The following LIPE variants were observed in gnomAD, a reference collection of about 807,000 sequenced individuals.
LIPE encodes lipase E, hormone sensitive type.
LIPE carries 66 observed loss-of-function variants against 88.5 expected under a neutral mutation model. The ratio of observed to expected loss-of-function variants is 0.75; its 90% CI spans 0.61 to 0.91. The LOEUF (loss-of-function observed/expected upper bound fraction) is 0.91, where lower values mean the gene tolerates loss of function less well. Among genes scored for constraint, LIPE ranks in the 40% least tolerant of loss-of-function variants. LIPE has a pLI of 0.00. For synonymous variants in LIPE, 570 were observed against 617.5 expected (o/e 0.92, Z 1.14); for missense variants, 1,346 against 1,434.7 (o/e 0.94, Z 1.00).
At chr19:42,419,873 G>T (rs562522782) in intron 1 of LIPE, among the ~76,000 whole-genome samples, 2 of 152,104 alleles carry the variant, frequency 1.3e-5, no homozygotes, top group African/African-American at 4.8e-5. Context: ...TGCGTGCCTG[G>T]TCTCTTTCTC....
rs969187656 is a variant in LIPE, at chr19:42,420,503, G to C, written c.883+5764C>G. Reference sequence around the variant, plus strand: ...GGATATACATGCTTGTGCGTGTCTTGGTCTCTGTGTGTGTGTTGAGAACAA... The same window carrying C: ...GGATATACATGCTTGTGCGTGTCTTCGTCTCTGTGTGTGTGTTGAGAACAA... On this transcript the variant is annotated intron_variant, in intron 1 of 9. Coordinates refer to ENST00000244289, the MANE Select transcript of LIPE (RefSeq NM_005357.4). 9.9e-5 allele frequency among the ~76,000 whole-genome samples: 15 copies of C among 151,922 alleles called. No individual in the cohort carries two copies. In the South Asian group the frequency reaches 1.2e-3, roughly 13 times the overall value.
chr19:42,426,547 C>T lies in LIPE; in HGVS notation c.603G>A (p.Leu201=), dbSNP rs781038994. ...VQGAKSKQGS[L]TELGFLTKLQ... ...GTTTTGTTAGAAATCCCAGCTCTGT[C>T]AAAGATCCCTGCTTGGATTTGGCTC... Residue 201 remains leucine (L), a synonymous_variant, in exon 1 of 10, where the codon TTG becomes TTA. Transcript: ENST00000244289. 1.4e-5 allele frequency: 23 copies of T among 1,614,088 alleles called. No individual in the cohort carries two copies. Among genetic ancestry groups the T allele is most frequent in the Non-Finnish European group, 1.9e-5 (22 of 1,180,050 alleles).
chr19:42,402,705 T>C lies in LIPE; in HGVS notation c.2869A>G (p.Met957Val). The change falls in exon 9 of 10, where the codon ATG (methionine) becomes GTG (valine). Residue 957 changes from methionine (M) to valine (V), a missense_variant. By Grantham distance (21) the Met-to-Val change is conservative. Coordinates refer to ENST00000244289, the MANE Select transcript of LIPE (RefSeq NM_005357.4). ...ACTATGGGTGAGGAGTAGAGGGGCA[T>C]CTGTGTGGCACCCTGGCTGGAGCGT... is the stretch of plus-strand genomic sequence containing the variant. ...PRRSSQGATQ[M>V]PLYSSPIVKN... 6 of 1,534,574 alleles carry C rather than the reference T, an allele frequency of 3.9e-6. No individual in the cohort carries two copies. The highest frequency in any genetic ancestry group is 5.3e-6 in the Non-Finnish European group (6 of 1,137,302).
At chr19:42,422,945 G>C in intron 1 of LIPE, 1 of 165,384 alleles carries the variant, frequency 6.0e-6, no homozygotes, top group East Asian at 1.9e-4. Context: ...TGGCCCCGCT[G>C]CACTCTCCAC....
At chr19:42,423,575 C>T (rs2040645792) in intron 1 of LIPE, 13 of 1,220,472 alleles carry the variant, frequency 1.1e-5, no homozygotes, top group Non-Finnish European at 1.4e-5. Flanking sequence ...CAATTCCAGC[C>T]GCGAGGCCCT....
At chr19:42,402,480 A>G in intron 9 of LIPE, 127 bp downstream of exon 9, 2 of 800,998 alleles carry the variant, frequency 2.5e-6, no homozygotes, top group Non-Finnish European at 3.6e-6. Context: ...TCCCCTGGGG[A>G]CACGCCTGTC....
At chr19:42,404,099 C>A (rs1354385893) in intron 8 of LIPE, among the ~76,000 whole-genome samples, 1 of 146,854 alleles carries the variant, frequency 6.8e-6, no homozygotes, top group Non-Finnish European at 1.5e-5. Context: ...GAGTCTTGCT[C>A]TGTTGCCCAG....
chr19:42,405,489 G>T lies in LIPE; in HGVS notation c.2438C>A (p.Thr813Lys), dbSNP rs1600108669. The T allele has an allele frequency of 6.2e-6, 10 of 1,614,146 alleles. No homozygotes were observed. The East Asian group carries it at 2.0e-4, about 32-fold the overall frequency. The change falls in exon 8 of 10, where the codon ACA becomes AAA. Residue 813 changes from threonine to lysine, a missense_variant. Physicochemically the swap from Thr to Lys is moderately conservative, Grantham distance 78. Transcript: ENST00000244289. ...LGMMGLVRRDTALLLRDFRLG... is the reference protein window; with the variant it reads ...LGMMGLVRRDKALLLRDFRLG... The stretch of plus-strand genomic sequence containing the variant: ...GCGGAAGTCTCGGAGGAGCAGGGCT[G>T]TGTCCCGCCGCACCAGCCCCATCAT...
intron 1 of LIPE, chr19:42,411,215 G>A (rs2040367211): frequency 1.3e-6 from 1 of 761,668 alleles, no homozygotes; most frequent in Non-Finnish European, 1.6e-6. Flanking sequence ...CTGGCCTCCT[G>A]AATCCGGACA....
chr19:42,407,739 A>G lies in LIPE; in HGVS notation c.1709T>C (p.Leu570Pro). 6.4e-7 allele frequency: 1 copy of G among 1,563,686 alleles called. No homozygotes were observed. Among genetic ancestry groups the G allele is most frequent in the Non-Finnish European group, 8.7e-7 (1 of 1,155,510 alleles). ...ATVRVSRLLS[L>P]PPEAFEMPLT... ...TGGCATCTCAAAGGCTTCGGGTGGCAGGCTGAGCAGGCGGCTTACCCTCAC... is the reference window on the plus strand; with the variant it reads ...TGGCATCTCAAAGGCTTCGGGTGGCGGGCTGAGCAGGCGGCTTACCCTCAC... The change falls in exon 5 of 10, where the codon CTG becomes CCG. Residue 570 changes from leucine (L) to proline (P), a missense_variant. Leu to Pro is a moderately conservative substitution (Grantham distance 98). Coordinates refer to ENST00000244289, the MANE Select transcript of LIPE (RefSeq NM_005357.4). The surrounding 1 kb of genome is among the most constrained non-coding windows in gnomAD (Gnocchi z 5.8).
At position 42,415,461 on chromosome 19, in the gene LIPE, A is replaced by T. The variant is rs369546084; in HGVS notation, c.884-4619T>A. On this transcript the variant is annotated intron_variant, in intron 1 of 9. Transcript: ENST00000244289. ...AGCTAAGTTGTGAATGCAAAGGAAAAATTCATGAAAGTAATTAAAAGTGCT... is the reference window on the plus strand; with the variant it reads ...AGCTAAGTTGTGAATGCAAAGGAAATATTCATGAAAGTAATTAAAAGTGCT... 4.7e-4 allele frequency among the ~76,000 whole-genome samples: 72 copies of T among 152,240 alleles called. 3 individuals are homozygous for T. The South Asian group carries it at 0.015, about 32-fold the overall frequency.
Position 42,407,485 on chromosome 19 carries a change from A to G in LIPE, c.1843-17T>C. On this transcript the variant is annotated splice_polypyrimidine_tract_variant and intron_variant, in intron 5 of 9. Coordinates refer to ENST00000244289, the MANE Select transcript of LIPE (RefSeq NM_005357.4). The surrounding 1 kb of genome is among the most constrained non-coding windows in gnomAD (Gnocchi z 5.8). Reference sequence around the variant, plus strand: ...CTCACTGTCCTGGGGGTGAGGAGGGAGACGGTGTGTGAGGTTGGGGAGAGC... The same window carrying G: ...CTCACTGTCCTGGGGGTGAGGAGGGGGACGGTGTGTGAGGTTGGGGAGAGC... 1 of 1,602,122 alleles carries G rather than the reference A, an allele frequency of 6.2e-7. No homozygotes were observed. The highest frequency in any genetic ancestry group is 1.1e-5 in the South Asian group (1 of 90,048).
Position 42,410,729 on chromosome 19 carries a change from G to T in LIPE, c.997C>A (p.Arg333=), listed in dbSNP as rs750246327. 6.2e-7 allele frequency: 1 copy of T among 1,613,838 alleles called. No individual in the cohort carries two copies. Among genetic ancestry groups the T allele is most frequent in the South Asian group, 1.1e-5 (1 of 91,060 alleles). Residue 333 remains arginine, a synonymous_variant, in exon 2 of 10, where the codon CGG becomes AGG. Coordinates refer to ENST00000244289, the MANE Select transcript of LIPE (RefSeq NM_005357.4). This position sits in a 1 kb window ranked among gnomAD's most constrained non-coding sequence, Gnocchi z 6.1. ...ACACCGGCAAAAACGCCTGACAGCC[G>T]CTGGGCCGTTTCCCCAGGACCCTGG... ...SSQGPGETAQ[R]LSGVFAGVRE... is the part of the protein sequence containing the mutation.
In LIPE at chr19:42,402,593, C is replaced by T; in HGVS notation, c.2967+14G>A. 1 of 1,476,214 alleles carries T rather than the reference C, an allele frequency of 6.8e-7. No individual in the cohort carries two copies. Among genetic ancestry groups the T allele is most frequent in the Non-Finnish European group, 9.0e-7 (1 of 1,110,720 alleles). 91.4% of individuals were successfully genotyped at this position (1,476,214 alleles called of 1,614,324 possible). On this transcript the variant is annotated intron_variant, in intron 9 of 9. Transcript: ENST00000244289. ...TCTCTAAATGCACCTGTACCGGCCC[C>T]CTCTGTCGCTCACCACGATGTGCAC...
At position 42,401,820 on chromosome 19, in the gene LIPE, G is replaced by GC; in HGVS notation, c.3222dup (p.Arg1075AlafsTer16). The GC allele has an allele frequency of 6.1e-6, 9 of 1,479,318 alleles. No individual in the cohort carries two copies. Among genetic ancestry groups the GC allele is most frequent in the Non-Finnish European group, 8.1e-6 (9 of 1,117,844 alleles). 91.6% of individuals were successfully genotyped at this position (1,479,318 alleles called of 1,614,324 possible). A position where few individuals can be genotyped will look rare whatever the true frequency, so the allele number is the denominator to read the frequency against. ...ATGGGAACAACAGGCTTTTAGTGTC[G>GC]CCCCCCGCAGCCCCCGTCTACCCCC... On this transcript the variant is annotated frameshift_variant, in exon 10 of 10. Transcript: ENST00000244289. LOFTEE classifies it high-confidence loss of function.
chr19:42,425,899 T>C, intron 1 of LIPE, among the ~76,000 whole-genome samples: 1 of 151,942 alleles, frequency 6.6e-6, no homozygotes, highest in East Asian at 1.9e-4. Flanking sequence ...GCCTCCCGGG[T>C]TCAAGTGTTT....
Position 42,401,686 on chromosome 19 carries a change from A to T in LIPE, c.*126T>A. The T allele has an allele frequency of 2.1e-6, 1 of 480,608 alleles. No individual in the cohort carries two copies. The highest frequency in any genetic ancestry group is 3.3e-6 in the Non-Finnish European group (1 of 305,754). 29.8% of individuals were successfully genotyped at this position (480,608 alleles called of 1,614,324 possible). A position where few individuals can be genotyped will look rare whatever the true frequency, so the allele number is the denominator to read the frequency against. The stretch of plus-strand genomic sequence containing the variant: ...TCCCCCTCCCCGTGGCGAGGGTCTC[A>T]GCTTTCGGGCCCCCGCCCCGCCCCC... On this transcript the variant is annotated 3_prime_UTR_variant, in exon 10 of 10. Transcript: ENST00000244289.
In LIPE at chr19:42,426,278, T is replaced by A; in HGVS notation, c.872A>T (p.Tyr291Phe). Residue 291 changes from tyrosine to phenylalanine, a missense_variant, in exon 1 of 10, where the codon TAC (tyrosine) becomes TTC (phenylalanine). Tyr to Phe is a conservative substitution (Grantham distance 22, BLOSUM62 3). Coordinates refer to ENST00000244289, the MANE Select transcript of LIPE (RefSeq NM_005357.4). ...EKTSARNHRH[Y>F]QDTASRLIHN... ...AGATTCACACTCACCTGTATCCTGG[T>A]AGTGTCTGTGATTCCGAGCACTGGT... 6.2e-7 allele frequency: 1 copy of A among 1,601,148 alleles called. No individual in the cohort carries two copies. The highest frequency in any genetic ancestry group is 8.6e-7 in the Non-Finnish European group (1 of 1,169,076).
At position 42,402,852 on chromosome 19, in the gene LIPE, C is replaced by G. The variant is rs747565527; in HGVS notation, c.2722G>C (p.Asp908His). 5.0e-6 allele frequency: 8 copies of G among 1,613,758 alleles called. 1 individual carries two copies. In the South Asian group the frequency reaches 8.8e-5, roughly 18 times the overall value. The change falls in exon 9 of 10, where the codon GAT becomes CAT. Residue 908 changes from aspartate (D) to histidine (H), a missense_variant. Transcript: ENST00000244289. ...TCAGGTGGTAATAAGAAGTTGACAT[C>G]GGAGGGTGTGGAGGGGCTAAGTGTC... ...AETLSPSTPS[D>H]VNFLLPPEDA...
Sources: gnomAD v4.1 joint callset for allele counts (sites outside exome capture counted in the v4.1 genomes callset) on GRCh38, gnomAD v4.1.1 for gene constraint, Gnocchi (gnomAD v3.1) non-coding constraint, MANE v1.5 for transcripts, NCBI Gene and HGNC (gene_info 2026-07-23, HGNC 2026-07-21) for gene names.